Variants in STAT5B observed in about 807,000 individuals in gnomAD.
STAT5B encodes transcription factor STAT5B.
A neutral mutation model predicts 107.8 loss-of-function variants in STAT5B; 21 were observed. The ratio of observed to expected loss-of-function variants is 0.19; its 90% CI spans 0.14 to 0.28. The LOEUF (loss-of-function observed/expected upper bound fraction) is 0.28, where lower values mean the gene tolerates loss of function less well. Ranked by LOEUF, STAT5B falls within the 10% of genes least tolerant of loss-of-function variation. The pLI, the probability that STAT5B is intolerant of heterozygous loss-of-function variation, is 1.00. For synonymous variants in STAT5B, 325 were observed against 401.7 expected (o/e 0.81, Z 2.28); for missense variants, 565 against 1,008.2 (o/e 0.56, Z 5.95).
chr17:42,262,011 T>G (rs991026284), intron 1 of STAT5B, among the ~76,000 whole-genome samples: 2 of 152,202 alleles, frequency 1.3e-5, no homozygotes, highest in Admixed American at 1.3e-4. Context: ...AAAATAGATT[T>G]TTACTTAATT....
rs563232616 is a variant in STAT5B at position 42,229,409 on chromosome 17, C to A, written c.129-1724G>T. ...AAGTGATCCACCCACCTCAGCCTCC[C>A]AAAGTGCTGGGATTACAGGCGTGAG... is the stretch of plus-strand genomic sequence containing the variant. On this transcript the variant is annotated intron_variant, in intron 2 of 18. Coordinates refer to ENST00000293328, the MANE Select transcript of STAT5B (RefSeq NM_012448.4). Among the ~76,000 whole-genome samples, 4 of 151,958 alleles carry A rather than the reference C, an allele frequency of 2.6e-5. No homozygotes were observed. The South Asian group carries it at 8.4e-4, about 32-fold the overall frequency.
Position 42,232,055 on chromosome 17 carries a change from G to A in STAT5B, c.73C>T (p.His25Tyr). ...LHQMQALYGQ[H>Y]FPIEVRHYLS... The stretch of plus-strand genomic sequence containing the variant: ...TAATGCCGCACCTCAATGGGAAAAT[G>A]CTGGCCATATAACGCTTGCATCTGA... The change falls in exon 2 of 19, where the codon CAT becomes TAT. Residue 25 changes from histidine (H) to tyrosine (Y), a missense_variant. Transcript: ENST00000293328. 6.2e-7 allele frequency: 1 copy of A among 1,613,896 alleles called. No individual in the cohort carries two copies. Among genetic ancestry groups the A allele is most frequent in the Non-Finnish European group, 8.5e-7 (1 of 1,179,958 alleles).
chr17:42,237,760 C>T (rs372449279), intron 1 of STAT5B, among the ~76,000 whole-genome samples: 8 of 152,184 alleles, frequency 5.3e-5, no homozygotes, highest in African/African-American at 1.9e-4. Flanking sequence ...ATGCTGAACT[C>T]ACCTAAATAC....
In STAT5B at chr17:42,201,807, T is replaced by C; in HGVS notation, c.2295A>G (p.Val765=). Residue 765 remains valine (V), a synonymous_variant, in exon 19 of 19, where the codon GTA becomes GTG. Coordinates refer to ENST00000293328, the MANE Select transcript of STAT5B (RefSeq NM_012448.4). ...GDFDLEDTMD[V]ARRVEELLGR... Reference sequence around the variant, plus strand: ...CCAGGAGCTCCTCCACACGCCGCGCTACGTCCATTGTGTCCTCCAGATCGA... The same window carrying C: ...CCAGGAGCTCCTCCACACGCCGCGCCACGTCCATTGTGTCCTCCAGATCGA... 1 of 1,614,130 alleles carries C rather than the reference T, an allele frequency of 6.2e-7. No homozygotes were observed.
chr17:42,263,250 C>T (rs2080634465), intron 1 of STAT5B, among the ~76,000 whole-genome samples: 1 of 151,024 alleles, frequency 6.6e-6, no homozygotes, highest in Non-Finnish European at 1.5e-5. Context: ...GGAAATAACA[C>T]AGTCCTGAAG....
At chr17:42,249,184 G>C (rs1208043223) in intron 1 of STAT5B, among the ~76,000 whole-genome samples, 1 of 152,198 alleles carries the variant, frequency 6.6e-6, no homozygotes, top group African/African-American at 2.4e-5. Flanking sequence ...TTGAGGTCAG[G>C]AGTTTGAGAC....
intron 1 of STAT5B, among the ~76,000 whole-genome samples, chr17:42,236,683 C>T (rs1328772000): frequency 6.6e-6 from 1 of 152,134 alleles, no homozygotes; most frequent in Non-Finnish European, 1.5e-5. Flanking sequence ...GTGACCTGCC[C>T]GCCTCGGCCT....
chr17:42,225,182 G>A (rs1166559493), intron 3 of STAT5B, among the ~76,000 whole-genome samples: 1 of 151,968 alleles, frequency 6.6e-6, no homozygotes, highest in Admixed American at 6.6e-5. Context: ...AGCCCCCCGA[G>A]TAGCTGGGAT....
At chr17:42,207,963 T>C (rs2080099683) in intron 15 of STAT5B, among the ~76,000 whole-genome samples, 2 of 152,150 alleles carry the variant, frequency 1.3e-5, no homozygotes, top group African/African-American at 4.8e-5. Flanking sequence ...GGTGCGATCT[T>C]GGCTCACTGC....
At chr17:42,249,108 T>G (rs2080476605) in intron 1 of STAT5B, among the ~76,000 whole-genome samples, 1 of 152,304 alleles carries the variant, frequency 6.6e-6, no homozygotes, top group African/African-American at 2.4e-5. Flanking sequence ...AATAAGATGG[T>G]AGGCTGGGTG....
At chr17:42,254,581 T>C (rs2080526111) in intron 1 of STAT5B, among the ~76,000 whole-genome samples, 1 of 152,064 alleles carries the variant, frequency 6.6e-6, no homozygotes, top group Admixed American at 6.6e-5. Context: ...TCTCTTTTTC[T>C]CTCTCCCTCC....
chr17:42,263,419 A>G (rs758249730), intron 1 of STAT5B, among the ~76,000 whole-genome samples: 7 of 152,168 alleles, frequency 4.6e-5, no homozygotes, highest in Non-Finnish European at 8.8e-5. Flanking sequence ...GATAACAAAA[A>G]ACAAATTCTA....
intron 1 of STAT5B, among the ~76,000 whole-genome samples, chr17:42,259,939 G>A (rs1056999154): frequency 2.0e-5 from 3 of 152,144 alleles, no homozygotes; most frequent in Admixed American, 1.3e-4. Context: ...TGCCATGGTG[G>A]TTTGCTGCAC....
At chr17:42,262,811 C>CATATATGTATATATAT (rs2080614712) in intron 1 of STAT5B, among the ~76,000 whole-genome samples, 1 of 116,258 alleles carries the variant, frequency 8.6e-6, no homozygotes, top group African/African-American at 3.4e-5. Context: ...TGTATATATA[C>CATATATGTATATATAT]ACACATATAT....
the STAT5B span, chr17:42,287,929 A>G: frequency 6.6e-6 from 1 of 152,250 alleles, no homozygotes; most frequent in Admixed American, 6.5e-5. Flanking sequence ...TGGCTTCACT[A>G]GAATCCCCAG....
At chr17:42,258,724 G>T (rs564162694) in intron 1 of STAT5B, among the ~76,000 whole-genome samples, 1 of 152,300 alleles carries the variant, frequency 6.6e-6, no homozygotes, top group East Asian at 1.9e-4. Context: ...TAAGTAGGAA[G>T]TGGCATTACC....
intron 1 of STAT5B, chr17:42,235,139 C>T (rs961130020): frequency 6.6e-6 from 1 of 152,144 alleles, no homozygotes; most frequent in Admixed American, 6.5e-5. Flanking sequence ...CCTTCCCAGC[C>T]CACTCAAATA....
At chr17:42,223,656 C>G in intron 4 of STAT5B, 100 bp from the exon 5 acceptor site, 2 of 1,461,490 alleles carry the variant, frequency 1.4e-6, no homozygotes, top group Non-Finnish European at 1.9e-6. Flanking sequence ...GGGTAAGACC[C>G]CAAAAGGTAA....
At chr17:42,281,962 C>G in the STAT5B span, among the ~76,000 whole-genome samples, 18 of 152,232 alleles carry the variant, frequency 1.2e-4, no homozygotes, top group African/African-American at 4.1e-4. Context: ...CAGCACCAGG[C>G]AAAGATGAGG....
Sources: allele counts gnomAD v4.1 joint callset (sites outside exome capture counted in the v4.1 genomes callset), GRCh38; gene constraint gnomAD v4.1.1; transcripts MANE v1.5; gene names NCBI Gene and HGNC (gene_info 2026-07-23, HGNC 2026-07-21).